Variants in CMIP observed in about 807,000 individuals in gnomAD.
CMIP encodes c-Maf inducing protein.
Under a neutral mutation model 97.3 loss-of-function variants are expected in CMIP, and 13 were observed. The ratio of observed to expected loss-of-function variants is 0.13; its 90% CI spans 0.09 to 0.21. The LOEUF (loss-of-function observed/expected upper bound fraction) is 0.21. CMIP is among the 10% of genes least tolerant of loss of function. The pLI, the probability that CMIP is intolerant of heterozygous loss-of-function variation, is 1.00. For missense variants in CMIP, 847 were observed against 1,024.9 expected, an observed-to-expected ratio of 0.83 and a Z score of 2.37; for synonymous variants, 538 against 436.3, an observed-to-expected ratio of 1.23 and a Z score of -2.91.
intron 1 of CMIP, among the ~76,000 whole-genome samples, chr16:81,477,061 G>A (rs891324339): frequency 3.9e-5 from 6 of 152,120 alleles, no homozygotes; most frequent in African/African-American, 1.4e-4. Context: ...GCGTTGAGCT[G>A]AGCACCTGGG....
chr16:81,678,260 C>T lies in CMIP; in HGVS notation c.1035-15C>T, dbSNP rs9930194. On this transcript the variant is annotated splice_polypyrimidine_tract_variant and intron_variant, in intron 9 of 20. Transcript: ENST00000537098. The stretch of plus-strand genomic sequence containing the variant: ...GTGCCTGTACTCATGTGCCCTCTCC[C>T]GCCTCTTCCCCCAGCCGCGACAATT... The T allele has an allele frequency of 3.2e-3, 4,966 of 1,564,782 alleles. 138 individuals carry two copies. The African/African-American group carries it at 0.06, about 19-fold the overall frequency.
chr16:81,650,397 G>A (rs2092413853), intron 3 of CMIP, among the ~76,000 whole-genome samples: 1 of 152,170 alleles, frequency 6.6e-6, no homozygotes, highest in Admixed American at 6.5e-5. Context: ...AAGGTGGGCA[G>A]GTGGGTAGAT....
At chr16:81,500,272 G>GTCCTTCCGTCCTTCCT (rs2089575908) in intron 1 of CMIP, among the ~76,000 whole-genome samples, 1 of 64,792 alleles carries the variant, frequency 1.5e-5, no homozygotes, top group Non-Finnish European at 3.0e-5. Flanking sequence ...CCTTCCTTCC[G>GTCCTTCCGTCCTTCCT]TCCTTCCTTC....
At chr16:81,699,831 G>T in intron 15 of CMIP, 30 bp downstream of exon 15, 1 of 1,486,776 alleles carries the variant, frequency 6.7e-7, no homozygotes, top group African/African-American at 1.4e-5. Flanking sequence ...CCCTGGTGGG[G>T]TGGCTGGCTC....
chr16:81,612,824 C>T (rs1377807488), intron 2 of CMIP, among the ~76,000 whole-genome samples: 1 of 151,916 alleles, frequency 6.6e-6, no homozygotes, highest in East Asian at 1.9e-4. Context: ...CTCTGAGTGA[C>T]CCTCAGGGTT....
At position 81,607,022 on chromosome 16, in the gene CMIP, C is replaced by T. The variant is rs529253711; in HGVS notation, c.301-545C>T. On this transcript the variant is annotated intron_variant, in intron 1 of 20. Coordinates refer to ENST00000537098, the MANE Select transcript of CMIP (RefSeq NM_198390.3). ...CTGGGCGCATAGGGAGAGCAGACCC[C>T]GCTGGGTCTGTCGATTGTGGATGGG... is the stretch of plus-strand genomic sequence containing the variant. The T allele has an allele frequency of 1.9e-4, 30 of 155,594 alleles. No homozygotes were observed. In the South Asian group the frequency reaches 3.6e-3, roughly 19 times the overall value. The allele number at this position is 155,594 out of a possible 1,614,324, so 9.6% of individuals were successfully genotyped here.
At chr16:81,573,489 A>T (rs977327511) in intron 1 of CMIP, among the ~76,000 whole-genome samples, 1 of 152,224 alleles carries the variant, frequency 6.6e-6, no homozygotes, top group Admixed American at 6.5e-5. Context: ...GTGGAGAGGA[A>T]TTCCACCTTT....
intron 2 of CMIP, among the ~76,000 whole-genome samples, chr16:81,615,766 T>C (rs1479325790): frequency 3.3e-5 from 5 of 152,000 alleles, no homozygotes; most frequent in African/African-American, 9.7e-5. Context: ...TGTGTCTTTG[T>C]GTGTGTGCAT....
rs144314894 is a variant in CMIP, at chr16:81,540,123, G to A, written c.301-67444G>A. Among the ~76,000 whole-genome samples, 133 of 152,326 alleles carry A rather than the reference G, an allele frequency of 8.7e-4. 2 individuals are homozygous for A. In the East Asian group the frequency reaches 0.023, roughly 27 times the overall value. ...TCATTGTGAATTTGTCAGACGTGGAGCACATCCATCCAAACGGAAAGACGA... is the reference window on the plus strand; with the variant it reads ...TCATTGTGAATTTGTCAGACGTGGAACACATCCATCCAAACGGAAAGACGA... On this transcript the variant is annotated intron_variant, in intron 1 of 20. Transcript: ENST00000537098.
chr16:81,477,380 C>G (rs757530623), intron 1 of CMIP, among the ~76,000 whole-genome samples: 1 of 152,186 alleles, frequency 6.6e-6, no homozygotes, highest in Non-Finnish European at 1.5e-5. Context: ...AGGCTCGTCT[C>G]GAACTCCTGG....
At chr16:81,653,884 G>A (rs932115369) in intron 4 of CMIP, among the ~76,000 whole-genome samples, 1 of 152,054 alleles carries the variant, frequency 6.6e-6, no homozygotes, top group Non-Finnish European at 1.5e-5. Context: ...AAGTGAGACA[G>A]CCTCTCTTTT....
chr16:81,623,210 C>G (rs1289638243), intron 3 of CMIP, among the ~76,000 whole-genome samples: 1 of 152,058 alleles, frequency 6.6e-6, no homozygotes, highest in Non-Finnish European at 1.5e-5. Flanking sequence ...ATGCCCCACC[C>G]CAAAAATGTT....
At chr16:81,633,792 G>A (rs2092197673) in intron 3 of CMIP, among the ~76,000 whole-genome samples, 1 of 152,206 alleles carries the variant, frequency 6.6e-6, no homozygotes, top group South Asian at 2.1e-4. Context: ...TTGGAAAACT[G>A]GGCTGAACCT....
chr16:81,629,714 C>T (rs548760436), intron 3 of CMIP, among the ~76,000 whole-genome samples: 2 of 152,378 alleles, frequency 1.3e-5, no homozygotes, highest in Admixed American at 1.3e-4. Flanking sequence ...TGAGCCTCGC[C>T]AAGGCATGGC....
chr16:81,611,072 G>C (rs12448561), intron 2 of CMIP, among the ~76,000 whole-genome samples: 58,114 of 152,026 alleles, frequency 0.38, 11,506 homozygotes, highest in East Asian at 0.57. Context: ...ACAGCCACCA[G>C]CAGCCACGCA....
chr16:81,536,872 C>T (rs1173420322), intron 1 of CMIP, among the ~76,000 whole-genome samples: 1 of 152,124 alleles, frequency 6.6e-6, no homozygotes. Flanking sequence ...GTAACCAGCG[C>T]CCAAATCAAG....
chr16:81,637,792 G>A (rs917663110), intron 3 of CMIP, among the ~76,000 whole-genome samples: 2 of 152,130 alleles, frequency 1.3e-5, no homozygotes, highest in African/African-American at 4.8e-5. Context: ...GGACCTGCCA[G>A]CCTCCCTGGC....
chr16:81,637,264 GGTTTCATCAT>G (rs1409621261), intron 3 of CMIP, among the ~76,000 whole-genome samples: 1 of 152,082 alleles, frequency 6.6e-6, no homozygotes, highest in African/African-American at 2.4e-5. Context: ...GTAGAGACGG[GGTTTCATCAT>G]GTTGGCCAGG....
chr16:81,710,437 G>A lies in CMIP; in HGVS notation c.*638G>A, dbSNP rs1345035185. On this transcript the variant is annotated 3_prime_UTR_variant, in exon 21 of 21. Coordinates refer to ENST00000537098, the MANE Select transcript of CMIP (RefSeq NM_198390.3). ...CCCCGCCCGACCCCACCGCCCTCCC[G>A]CCCCCACCTGGCGTGTAGTACTGTA... 4.1e-5 allele frequency: 1 copy of A among 24,280 alleles called. No homozygotes were observed. The highest frequency in any genetic ancestry group is 1.6e-4 in the African/African-American group (1 of 6,310). 1.5% of individuals were successfully genotyped at this position (24,280 alleles called of 1,614,324 possible).
Sources: allele counts gnomAD v4.1 joint callset (sites outside exome capture counted in the v4.1 genomes callset), GRCh38; gene constraint gnomAD v4.1.1; transcripts MANE v1.5; gene names NCBI Gene and HGNC (gene_info 2026-07-23, HGNC 2026-07-21).